The following STARD13 variants were observed in gnomAD, a reference collection of about 807,000 sequenced individuals.
STARD13 encodes the protein StAR related lipid transfer domain containing 13, also known as stAR-related lipid transfer protein 13.
Under a neutral mutation model 106.4 loss-of-function variants are expected in STARD13, and 62 were observed. The observed-to-expected ratio is 0.58, with a 90% CI of 0.48 to 0.72. The LOEUF (loss-of-function observed/expected upper bound fraction) is 0.72, where lower values mean the gene tolerates loss of function less well. STARD13 is among the 30% of genes least tolerant of loss of function. STARD13 has a pLI of 0.00. For missense variants in STARD13, 1,387 were observed against 1,424.0 expected (o/e 0.97, Z 0.42); for synonymous variants, 565 against 553.0 (o/e 1.02, Z -0.31).
the STARD13 span, among the ~76,000 whole-genome samples, chr13:33,581,986 C>G: frequency 0.011 from 1,724 of 152,022 alleles, 27 homozygotes; most frequent in African/African-American, 0.038. Context: ...TTTGGGAGGC[C>G]GAGGCGAGCA....
At chr13:33,154,786 G>C (rs988606146) in intron 3 of STARD13, among the ~76,000 whole-genome samples, 5 of 152,122 alleles carry the variant, frequency 3.3e-5, no homozygotes, top group Admixed American at 2.6e-4. Context: ...TTTTTCTAGT[G>C]AGAACTGGTC....
the STARD13 span, among the ~76,000 whole-genome samples, chr13:33,541,562 C>T: frequency 6.6e-6 from 1 of 152,236 alleles, no homozygotes; most frequent in African/African-American, 2.4e-5. Context: ...ATGAAATACA[C>T]TTATTTGGCA....
At chr13:33,195,399 A>G (rs1469263790) in intron 1 of STARD13, among the ~76,000 whole-genome samples, 2 of 152,212 alleles carry the variant, frequency 1.3e-5, no homozygotes. Context: ...CTACTTCATC[A>G]AAGTCCCCGG....
At chr13:33,351,749 C>A (rs1042661273), upstream of STARD13, among the ~76,000 whole-genome samples, 3 of 152,152 alleles carry the variant, frequency 2.0e-5, no homozygotes, top group Admixed American at 6.5e-5. Flanking sequence ...ACATAAGAAC[C>A]AAAATTTAAT....
the STARD13 span, among the ~76,000 whole-genome samples, chr13:33,405,262 C>A: frequency 1.3e-5 from 2 of 152,242 alleles, no homozygotes; most frequent in Admixed American, 1.3e-4. Context: ...ACCTGAGAAC[C>A]ACTGCTTTAG....
intron 1 of STARD13, among the ~76,000 whole-genome samples, chr13:33,225,232 T>C (rs1382768205): frequency 6.6e-6 from 1 of 152,162 alleles, no homozygotes; most frequent in Non-Finnish European, 1.5e-5. Flanking sequence ...ATATACCAAG[T>C]GCTATGCCAG....
intron 1 of STARD13, among the ~76,000 whole-genome samples, chr13:33,175,833 C>T (rs797222): frequency 0.82 from 125,130 of 152,218 alleles, 51,490 homozygotes; most frequent in South Asian, 0.89. Context: ...ATGCAAACTC[C>T]TCCTGTATCT....
chr13:33,546,147 T>G, the STARD13 span, among the ~76,000 whole-genome samples: 2 of 152,228 alleles, frequency 1.3e-5, no homozygotes, highest in Non-Finnish European at 2.9e-5. Context: ...GTAATTAGAT[T>G]AGGATTCCCA....
chr13:33,515,997 A>T, the STARD13 span, among the ~76,000 whole-genome samples: 2 of 151,904 alleles, frequency 1.3e-5, no homozygotes, highest in Non-Finnish European at 2.9e-5. Context: ...GCCTTTCGTT[A>T]GCCAATGACA....
intron 1 of STARD13, among the ~76,000 whole-genome samples, chr13:33,199,626 T>A (rs1886873336): frequency 6.6e-6 from 1 of 152,246 alleles, no homozygotes; most frequent in South Asian, 2.1e-4. Flanking sequence ...TGGAGTTTGA[T>A]CCTCAGCTAA....
intron 1 of STARD13, among the ~76,000 whole-genome samples, chr13:33,333,319 C>T (rs995049526): frequency 1.3e-5 from 2 of 152,060 alleles, no homozygotes; most frequent in Admixed American, 6.5e-5. Context: ...ACCTGGGAGG[C>T]GGAGGTTGCA....
At chr13:33,589,775 G>C in the STARD13 span, among the ~76,000 whole-genome samples, 18 of 152,314 alleles carry the variant, frequency 1.2e-4, no homozygotes, top group Non-Finnish European at 2.6e-4. Context: ...TGTATATTCT[G>C]TTGATTTGGG....
chr13:33,675,364 C>A, the STARD13 span, among the ~76,000 whole-genome samples: 1 of 152,144 alleles, frequency 6.6e-6, no homozygotes, highest in Non-Finnish European at 1.5e-5. Flanking sequence ...GGTGAAGCAG[C>A]TTAGTTCTGG....
the STARD13 span, among the ~76,000 whole-genome samples, chr13:33,519,207 TTTTTC>T: frequency 0.15 from 13,297 of 88,176 alleles, 825 homozygotes; most frequent in African/African-American, 0.25. Context: ...TCTTGGTAAT[TTTTTC>T]TTTCTTTCTT....
intron 3 of STARD13, among the ~76,000 whole-genome samples, chr13:33,156,769 A>G (rs1347785980): frequency 6.6e-6 from 1 of 152,226 alleles, no homozygotes; most frequent in African/African-American, 2.4e-5. Flanking sequence ...TTTGCAATAT[A>G]CTTAAATGCA....
the STARD13 span, among the ~76,000 whole-genome samples, chr13:33,406,634 TAC>T: frequency 5.3e-5 from 8 of 152,236 alleles, no homozygotes; most frequent in Admixed American, 1.3e-4. Context: ...CTGTAAAACT[TAC>T]CTTTTCTCTG....
At chr13:33,344,367 A>C (rs2077996387), downstream of STARD13, among the ~76,000 whole-genome samples, 1 of 152,244 alleles carries the variant, frequency 6.6e-6, no homozygotes. Flanking sequence ...TTTAAAAAAC[A>C]AACAAAAAAT....
intron 3 of STARD13, among the ~76,000 whole-genome samples, chr13:33,158,191 AAGAG>A (rs371245565): frequency 3.7e-4 from 55 of 148,616 alleles, no homozygotes; most frequent in South Asian, 3.6e-3. Flanking sequence ...GCTAGAGAGA[AAGAG>A]AGAGAGAGAG....
At chr13:33,648,065 T>G in the STARD13 span, among the ~76,000 whole-genome samples, 1,160 of 152,302 alleles carry the variant, frequency 7.6e-3, 13 homozygotes, top group African/African-American at 0.026. Context: ...AAAGCATATT[T>G]ATAAGCTGAG....
Sources: allele counts gnomAD v4.1 joint callset (sites outside exome capture counted in the v4.1 genomes callset), GRCh38; gene constraint gnomAD v4.1.1; transcripts MANE v1.5; gene names NCBI Gene and HGNC (gene_info 2026-07-23, HGNC 2026-07-21).